Variants in SBF2 observed in about 807,000 individuals in gnomAD.
The protein encoded by SBF2 is SET binding factor 2, also known as myotubularin-related protein 13.
Under a neutral mutation model 225.2 loss-of-function variants are expected in SBF2, and 112 were observed. The observed-to-expected ratio is 0.50, with a 90% CI of 0.43 to 0.58. SBF2 has a LOEUF of 0.58. SBF2 is among the 20% of genes least tolerant of loss of function. The pLI is 0.00. For synonymous variants in SBF2, 763 were observed against 773.3 expected (o/e 0.99, Z 0.22); for missense variants, 1,996 against 2,206.2 (o/e 0.90, Z 1.91).
At chr11:9,989,662 T>C (rs1293523366) in intron 12 of SBF2, 67 bp from the exon 13 acceptor site, 2 of 954,578 alleles carry the variant, frequency 2.1e-6, no homozygotes, top group South Asian at 2.9e-5. Flanking sequence ...ACTGTGATAA[T>C]TTCATACAAT....
chr11:9,992,273 G>T, intron 12 of SBF2, 142 bp downstream of exon 12: 1 of 612,318 alleles, frequency 1.6e-6, no homozygotes, highest in Non-Finnish European at 2.6e-6. Flanking sequence ...ATCGAGATTT[G>T]ATAAGCATAA....
At chr11:10,033,639 A>T (rs956291825) in intron 3 of SBF2, among the ~76,000 whole-genome samples, 2 of 148,452 alleles carry the variant, frequency 1.3e-5, no homozygotes, top group Admixed American at 1.4e-4. Flanking sequence ...TCTGCTTTTA[A>T]AGCAAAATGT....
At chr11:9,982,839 GAA>G (rs1947016836) in intron 13 of SBF2, among the ~76,000 whole-genome samples, 1 of 152,214 alleles carries the variant, frequency 6.6e-6, no homozygotes, top group Non-Finnish European at 1.5e-5. Context: ...GTTTGTGGGA[GAA>G]GTTTCCGACT....
intron 3 of SBF2, among the ~76,000 whole-genome samples, chr11:10,038,853 T>C (rs2134666025): frequency 6.6e-6 from 1 of 151,980 alleles, no homozygotes; most frequent in Middle Eastern, 3.4e-3. Flanking sequence ...GATATAGAAC[T>C]AAATTTAAAT....
At chr11:9,852,307 GT>G (rs2095626917) in intron 21 of SBF2, among the ~76,000 whole-genome samples, 1 of 151,762 alleles carries the variant, frequency 6.6e-6, no homozygotes, top group Non-Finnish European at 1.5e-5. Flanking sequence ...AGAAACCTGG[GT>G]TTTTTATGAT....
intron 1 of SBF2, among the ~76,000 whole-genome samples, chr11:10,277,843 AAATC>A (rs1963086028): frequency 6.6e-6 from 1 of 152,220 alleles, no homozygotes; most frequent in African/African-American, 2.4e-5. Flanking sequence ...ATCCTTCCCT[AAATC>A]CTTCAGAGAG....
chr11:9,783,585 G>C (rs774165800), intron 38 of SBF2, among the ~76,000 whole-genome samples: 2 of 152,202 alleles, frequency 1.3e-5, no homozygotes, highest in African/African-American at 4.8e-5. Context: ...AGTTGCTGGA[G>C]GTTTGGGTAG....
At chr11:9,937,810 T>C (rs1864989585) in intron 16 of SBF2, among the ~76,000 whole-genome samples, 1 of 152,128 alleles carries the variant, frequency 6.6e-6, no homozygotes, top group Admixed American at 6.5e-5. Flanking sequence ...TTTGATTTAT[T>C]ATAGCAAAAA....
At chr11:9,947,096 T>C (rs1336261908) in intron 16 of SBF2, among the ~76,000 whole-genome samples, 1 of 152,222 alleles carries the variant, frequency 6.6e-6, no homozygotes, top group Non-Finnish European at 1.5e-5. Flanking sequence ...AAACTGGTAG[T>C]CCATGGCATG....
At chr11:10,176,457 G>T (rs1956467697) in intron 2 of SBF2, among the ~76,000 whole-genome samples, 2 of 151,022 alleles carry the variant, frequency 1.3e-5, no homozygotes, top group African/African-American at 4.9e-5. Context: ...GACTAATAAA[G>T]AAAAAAAGAG....
chr11:9,997,706 A>C (rs1412693969), intron 9 of SBF2, among the ~76,000 whole-genome samples: 2 of 152,348 alleles, frequency 1.3e-5, no homozygotes, highest in African/African-American at 4.8e-5. Context: ...TGAACCCGGG[A>C]GGCGGAGCTT....
chr11:10,008,413 T>C (rs1565126143), intron 6 of SBF2, among the ~76,000 whole-genome samples: 1 of 152,126 alleles, frequency 6.6e-6, no homozygotes, highest in Admixed American at 6.5e-5. Context: ...TGGGCCCCAA[T>C]ACCCCTATGC....
intron 2 of SBF2, among the ~76,000 whole-genome samples, chr11:10,050,412 G>A (rs190504103): frequency 4.6e-5 from 7 of 152,174 alleles, no homozygotes; most frequent in African/African-American, 1.7e-4. Flanking sequence ...TATGTACTAT[G>A]TATGTATGTA....
At chr11:10,076,331 A>G (rs1453340241) in intron 2 of SBF2, among the ~76,000 whole-genome samples, 1 of 152,178 alleles carries the variant, frequency 6.6e-6, no homozygotes, top group African/African-American at 2.4e-5. Context: ...TGATCCAACT[A>G]AGGGGGCTGC....
intron 1 of SBF2, among the ~76,000 whole-genome samples, chr11:10,201,817 G>A (rs1165421426): frequency 6.6e-6 from 1 of 152,152 alleles, no homozygotes; most frequent in Non-Finnish European, 1.5e-5. Context: ...CCAACATGGT[G>A]AAACCCCATC....
chr11:9,911,383 CAA>C (rs57796243), intron 16 of SBF2, among the ~76,000 whole-genome samples: 26 of 108,222 alleles, frequency 2.4e-4, no homozygotes, highest in African/African-American at 3.5e-4. Context: ...GACTCTGTCT[CAA>C]AAAAAAAAAA....
chr11:9,869,031 C>T lies in SBF2; in HGVS notation c.1930-10635G>A, dbSNP rs530048877. On this transcript the variant is annotated intron_variant, in intron 17 of 39. Transcript: ENST00000256190. ...TCCTCACTCATTAGTTAGAGTACTT[C>T]GATCAAGAGAAACTTTCCCTTATCA... is the stretch of plus-strand genomic sequence containing the variant. Among the ~76,000 whole-genome samples the T allele has an allele frequency of 1.1e-4, 16 of 152,308 alleles. No homozygotes were observed. In the South Asian group the frequency reaches 2.7e-3, roughly 26 times the overall value.
At chr11:10,234,846 A>C (rs1959000141) in intron 1 of SBF2, among the ~76,000 whole-genome samples, 1 of 152,210 alleles carries the variant, frequency 6.6e-6, no homozygotes, top group Non-Finnish European at 1.5e-5. Flanking sequence ...GGACAAAAAG[A>C]AAATCAGTGT....
At chr11:10,201,516 T>C (rs957083974) in intron 1 of SBF2, among the ~76,000 whole-genome samples, 1 of 152,236 alleles carries the variant, frequency 6.6e-6, no homozygotes, top group African/African-American at 2.4e-5. Context: ...TAGCATTTAA[T>C]GAGAGAAGTC....
Sources: gnomAD v4.1 joint callset for allele counts (sites outside exome capture counted in the v4.1 genomes callset) on GRCh38, gnomAD v4.1.1 for gene constraint, MANE v1.5 for transcripts, NCBI Gene and HGNC (gene_info 2026-07-23, HGNC 2026-07-21) for gene names.